The following PRKN variants were observed in gnomAD, a reference collection of about 807,000 sequenced individuals.
PRKN encodes the protein parkin RBR E3 ubiquitin protein ligase, also known as E3 ubiquitin-protein ligase parkin.
PRKN carries 56 observed loss-of-function variants against 59.5 expected under a neutral mutation model. The observed-to-expected ratio is 0.94, with a 90% CI of 0.76 to 1.18. The LOEUF (loss-of-function observed/expected upper bound fraction) is 1.18. Ranked by LOEUF, PRKN falls within the 50% of genes most tolerant of loss-of-function variation. The pLI, the probability that PRKN is intolerant of heterozygous loss-of-function variation, is 0.00. For synonymous variants in PRKN, 250 were observed against 222.1 expected (o/e 1.13, Z -1.12); for missense variants, 657 against 596.4 (o/e 1.10, Z -1.06).
intron 2 of PRKN, among the ~76,000 whole-genome samples, chr6:162,390,416 C>T (rs1787117819): frequency 8.1e-6 from 1 of 123,942 alleles, no homozygotes; most frequent in African/African-American, 3.1e-5. Context: ...CACACACACA[C>T]ACACACACAC....
intron 4 of PRKN, among the ~76,000 whole-genome samples, chr6:162,085,741 C>T (rs1247645714): frequency 6.6e-6 from 1 of 152,068 alleles, no homozygotes; most frequent in Admixed American, 6.5e-5. Flanking sequence ...GGGTGGTTGG[C>T]TCAATCAGCG....
intron 9 of PRKN, among the ~76,000 whole-genome samples, chr6:161,543,562 C>T (rs1382347627): frequency 6.6e-6 from 1 of 152,080 alleles, no homozygotes; most frequent in Non-Finnish European, 1.5e-5. Context: ...CTGTTAGATG[C>T]CTTAAGAAAT....
intron 7 of PRKN, among the ~76,000 whole-genome samples, chr6:161,748,124 G>A (rs925075099): frequency 2.0e-5 from 3 of 152,174 alleles, no homozygotes; most frequent in African/African-American, 7.2e-5. Flanking sequence ...CTGTGTGACA[G>A]TCCTTTTTTA....
chr6:162,457,353 A>G (rs1293386546), intron 1 of PRKN, among the ~76,000 whole-genome samples: 3 of 152,190 alleles, frequency 2.0e-5, no homozygotes, highest in Non-Finnish European at 4.4e-5. Flanking sequence ...TGAAGGGTAA[A>G]TCATCAGTTT....
At chr6:161,553,121 T>C (rs1482548142) in intron 8 of PRKN, among the ~76,000 whole-genome samples, 2 of 152,220 alleles carry the variant, frequency 1.3e-5, no homozygotes, top group Non-Finnish European at 2.9e-5. Context: ...TCATTTTGTC[T>C]GTTTTGAAGA....
intron 6 of PRKN, among the ~76,000 whole-genome samples, chr6:161,841,591 CT>C (rs1792990016): frequency 6.6e-6 from 1 of 152,100 alleles, no homozygotes; most frequent in Non-Finnish European, 1.5e-5. Context: ...CTCAGGTGAT[CT>C]GCCCACCTCG....
intron 1 of PRKN, among the ~76,000 whole-genome samples, chr6:162,726,188 T>C (rs1479224521): frequency 1.3e-5 from 2 of 152,212 alleles, no homozygotes; most frequent in Non-Finnish European, 2.9e-5. Flanking sequence ...GTGCTTGTCT[T>C]TATATAGCTT....
rs1788183742 is a variant in PRKN, at chr6:161,423,212, G to T, written c.1084-36335C>A. Among the ~76,000 whole-genome samples the T allele has an allele frequency of 6.6e-6, 1 of 152,128 alleles. No homozygotes were observed. Among genetic ancestry groups the T allele is most frequent in the African/African-American group, 2.4e-5 (1 of 41,406 alleles). ...TGGTTGGGACGTCCTCATCTGAGAAGACGTGGCCCCCAAATGAATAGGGAG... is the reference window on the plus strand; with the variant it reads ...TGGTTGGGACGTCCTCATCTGAGAATACGTGGCCCCCAAATGAATAGGGAG... On this transcript the variant is annotated intron_variant, in intron 9 of 11. Coordinates refer to ENST00000366898, the MANE Select transcript of PRKN (RefSeq NM_004562.3). This position sits in a 1 kb window ranked among gnomAD's most constrained non-coding sequence, Gnocchi z 5.9.
In PRKN at chr6:161,533,706, C is replaced by G. The variant is rs556439867; in HGVS notation, c.1083+15148G>C. ...ATCTGCTGGGATCTGCCACCTTAACCCTTTTTTTCAGACATCTCTCTCTCT... is the reference window on the plus strand; with the variant it reads ...ATCTGCTGGGATCTGCCACCTTAACGCTTTTTTTCAGACATCTCTCTCTCT... On this transcript the variant is annotated intron_variant, in intron 9 of 11. Transcript: ENST00000366898. The surrounding 1 kb of genome is among the most constrained non-coding windows in gnomAD (Gnocchi z 4.1). 6.6e-6 allele frequency among the ~76,000 whole-genome samples: 1 copy of G among 152,134 alleles called. No homozygotes were observed. Among genetic ancestry groups the G allele is most frequent in the Admixed American group, 6.6e-5 (1 of 15,216 alleles).
At chr6:161,859,483 T>A (rs182885122) in intron 6 of PRKN, among the ~76,000 whole-genome samples, 4 of 151,682 alleles carry the variant, frequency 2.6e-5, no homozygotes, top group African/African-American at 9.7e-5. Context: ...CATGCCTGTA[T>A]GCCTGTAATC....
chr6:162,114,201 C>T (rs1780568315), intron 4 of PRKN, among the ~76,000 whole-genome samples: 1 of 152,076 alleles, frequency 6.6e-6, no homozygotes, highest in Non-Finnish European at 1.5e-5. Flanking sequence ...GATGCGGGCT[C>T]TTTTTTGGTT....
chr6:161,899,967 C>T (rs1442157644), intron 6 of PRKN, among the ~76,000 whole-genome samples: 2 of 151,896 alleles, frequency 1.3e-5, no homozygotes, highest in Non-Finnish European at 2.9e-5. Flanking sequence ...ACTAGAAATA[C>T]AAAAATTAGC....
At chr6:161,734,658 G>A (rs550047135) in intron 7 of PRKN, among the ~76,000 whole-genome samples, 92 of 152,260 alleles carry the variant, frequency 6.0e-4, no homozygotes, top group Middle Eastern at 3.4e-3. Flanking sequence ...TCTTGGCATA[G>A]GTGAGTTTTT....
intron 2 of PRKN, among the ~76,000 whole-genome samples, chr6:162,434,432 G>A (rs1004862180): frequency 6.6e-6 from 1 of 152,052 alleles, no homozygotes; most frequent in African/African-American, 2.4e-5. Flanking sequence ...CTTGTCCAAT[G>A]TGAATTTCAG....
chr6:161,979,160 G>GTT (rs202110787), intron 5 of PRKN, among the ~76,000 whole-genome samples: 2 of 149,868 alleles, frequency 1.3e-5, no homozygotes, highest in East Asian at 1.9e-4. Context: ...CCAGTTTTTT[G>GTT]TTTTTGTTTT....
At chr6:161,721,448 C>T (rs1221765545) in intron 7 of PRKN, among the ~76,000 whole-genome samples, 1 of 151,830 alleles carries the variant, frequency 6.6e-6, no homozygotes, top group African/African-American at 2.4e-5. Context: ...GGCCAGCCCT[C>T]CTGACTAAAA....
chr6:162,419,645 T>C (rs554522922), intron 2 of PRKN, among the ~76,000 whole-genome samples: 21 of 152,192 alleles, frequency 1.4e-4, no homozygotes, highest in African/African-American at 4.8e-4. Flanking sequence ...ATGGAGCATC[T>C]ATGGGAGGTG....
At chr6:162,456,091 T>C (rs999787253) in intron 1 of PRKN, among the ~76,000 whole-genome samples, 2 of 152,168 alleles carry the variant, frequency 1.3e-5, no homozygotes, top group Admixed American at 6.5e-5. Flanking sequence ...CAAATATTAC[T>C]AATAAATTTT....
Position 161,473,406 on chromosome 6 carries a change from G to A in PRKN, c.1083+75448C>T, listed in dbSNP as rs1443591638. On this transcript the variant is annotated intron_variant, in intron 9 of 11. Coordinates refer to ENST00000366898, the MANE Select transcript of PRKN (RefSeq NM_004562.3). This position sits in a 1 kb window ranked among gnomAD's most constrained non-coding sequence, Gnocchi z 4.1. ...ATGGAATATTATCAAGCCTTAAAAA[G>A]GAGATTCTACTATTTTTGGCAACAT... 6.6e-6 allele frequency among the ~76,000 whole-genome samples: 1 copy of A among 151,078 alleles called. No individual in the cohort carries two copies. Among genetic ancestry groups the A allele is most frequent in the African/African-American group, 2.4e-5 (1 of 41,196 alleles).
Sources: gnomAD v4.1 joint callset for allele counts (sites outside exome capture counted in the v4.1 genomes callset) on GRCh38, gnomAD v4.1.1 for gene constraint, Gnocchi (gnomAD v3.1) non-coding constraint, MANE v1.5 for transcripts, NCBI Gene and HGNC (gene_info 2026-07-23, HGNC 2026-07-21) for gene names.